The following MYO9A variants were observed in gnomAD, a reference collection of about 807,000 sequenced individuals.
MYO9A encodes unconventional myosin-IXa.
Under a neutral mutation model 293.3 loss-of-function variants are expected in MYO9A, and 103 were observed. That is an observed-to-expected ratio of 0.35 (90% CI 0.30 to 0.41). MYO9A has a LOEUF of 0.41. MYO9A is among the 10% of genes least tolerant of loss of function. The probability of loss-of-function intolerance (pLI) is 1.00; values close to 1 mark genes in which losing one functional copy is unlikely to be tolerated. For missense variants in MYO9A, 2,685 were observed against 3,033.0 expected (o/e 0.89, Z 2.69); for synonymous variants, 1,001 against 1,035.7 (o/e 0.97, Z 0.64).
intron 3 of MYO9A, among the ~76,000 whole-genome samples, chr15:72,029,850 TC>T (rs1417260589): frequency 6.6e-6 from 1 of 152,184 alleles, no homozygotes; most frequent in Non-Finnish European, 1.5e-5. Flanking sequence ...GATTACTGAA[TC>T]CAAATTATTA....
At chr15:72,098,231 GCTCT>G (rs148558014) in intron 1 of MYO9A, among the ~76,000 whole-genome samples, 1 of 151,290 alleles carries the variant, frequency 6.6e-6, no homozygotes, top group South Asian at 2.1e-4. Flanking sequence ...TATCTGGTAT[GCTCT>G]CTCTCTCAGG....
At chr15:72,032,729 G>T in intron 2 of MYO9A, 141 bp from the exon 3 acceptor site, 1 of 472,638 alleles carries the variant, frequency 2.1e-6, no homozygotes, top group East Asian at 3.4e-5. Context: ...TGTATGTTCA[G>T]ACTCATTCAC....
intron 39 of MYO9A, among the ~76,000 whole-genome samples, chr15:71,834,850 T>C (rs922025199): frequency 6.6e-6 from 1 of 152,030 alleles, no homozygotes; most frequent in African/African-American, 2.4e-5. Context: ...CTAAACAATA[T>C]CCTAACTACA....
intron 11 of MYO9A, among the ~76,000 whole-genome samples, chr15:71,983,536 G>A (rs2076334795): frequency 1.6e-5 from 2 of 127,986 alleles, no homozygotes; most frequent in Admixed American, 9.6e-5. Flanking sequence ...GAGTGCAATA[G>A]CGTGATCTCA....
intron 39 of MYO9A, among the ~76,000 whole-genome samples, chr15:71,834,581 T>C (rs1365995986): frequency 6.6e-6 from 1 of 151,634 alleles, no homozygotes; most frequent in Non-Finnish European, 1.5e-5. Flanking sequence ...AGACCAGCCT[T>C]GGCAACATGG....
Position 71,969,964 on chromosome 15 carries a change from A to G in MYO9A, c.1845-1839T>C, listed in dbSNP as rs575728165. Reference sequence around the variant, plus strand: ...CAATGCCTGGATCCCAACTATTGCAATTCTGACTTAAATGATTAGGGAGAT... The same window carrying G: ...CAATGCCTGGATCCCAACTATTGCAGTTCTGACTTAAATGATTAGGGAGAT... On this transcript the variant is annotated intron_variant, in intron 12 of 41. Transcript: ENST00000356056. Among the ~76,000 whole-genome samples, 9 of 152,278 alleles carry G rather than the reference A, an allele frequency of 5.9e-5. No homozygotes were observed. The East Asian group carries it at 1.7e-3, about 29-fold the overall frequency.
chr15:71,846,533 G>C (rs1479900954), intron 39 of MYO9A, among the ~76,000 whole-genome samples: 1 of 152,160 alleles, frequency 6.6e-6, no homozygotes, highest in East Asian at 1.9e-4. Flanking sequence ...TTAAATACTA[G>C]AATGAAATGA....
chr15:71,997,165 T>A (rs544075787), intron 9 of MYO9A, among the ~76,000 whole-genome samples: 1 of 152,096 alleles, frequency 6.6e-6, no homozygotes. Context: ...AAAAACAAAT[T>A]AAGATTTTTT....
At chr15:71,891,666 A>C (rs2057181522) in intron 26 of MYO9A, 1 of 152,194 alleles carries the variant, frequency 6.6e-6, no homozygotes, top group Admixed American at 6.5e-5. Context: ...GAATGTTTCC[A>C]ATTTCTATAA....
At position 72,028,519 on chromosome 15, in the gene MYO9A, C is replaced by T. The variant is rs1488964085; in HGVS notation, c.936-726G>A. The stretch of plus-strand genomic sequence containing the variant: ...AAAATCAGCCAGGCATGGTGGTGCA[C>T]GCCTGTAATCCCAGCTACTCGGAAG... On this transcript the variant is annotated intron_variant, in intron 3 of 41. Transcript: ENST00000356056. 3.3e-5 allele frequency among the ~76,000 whole-genome samples: 5 copies of T among 151,200 alleles called. No homozygotes were observed. In the South Asian group the frequency reaches 6.3e-4, roughly 19 times the overall value.
At chr15:71,921,427 T>C (rs1441008509) in intron 18 of MYO9A, among the ~76,000 whole-genome samples, 1 of 152,202 alleles carries the variant, frequency 6.6e-6, no homozygotes. Context: ...TCAGATCATT[T>C]TGACTTATCC....
chr15:72,049,036 C>T (rs2078476607), intron 1 of MYO9A, among the ~76,000 whole-genome samples: 1 of 152,142 alleles, frequency 6.6e-6, no homozygotes, highest in African/African-American at 2.4e-5. Context: ...ACTGAAATGT[C>T]ATCCAGACGG....
intron 35 of MYO9A, 68 bp from the exon 36 acceptor site, chr15:71,852,328 G>T: frequency 8.4e-5 from 99 of 1,176,480 alleles, no homozygotes; most frequent in Non-Finnish European, 9.4e-5. Context: ...ATTCACTTTA[G>T]AAACTATCAT....
chr15:71,890,831 G>A (rs568175433), intron 26 of MYO9A: 2 of 151,244 alleles, frequency 1.3e-5, no homozygotes, highest in African/African-American at 4.9e-5. Context: ...AAGATTTAAT[G>A]ACACACTTCA....
chr15:71,845,675 A>ATTTAGTT (rs1380654170), intron 39 of MYO9A, among the ~76,000 whole-genome samples: 1 of 152,206 alleles, frequency 6.6e-6, no homozygotes, highest in Non-Finnish European at 1.5e-5. Context: ...GCTACCACAC[A>ATTTAGTT]TTTAGTTTTT....
chr15:72,104,473 C>G (rs2080500261), intron 1 of MYO9A, among the ~76,000 whole-genome samples: 1 of 152,076 alleles, frequency 6.6e-6, no homozygotes, highest in African/African-American at 2.4e-5. Flanking sequence ...AGTCTGGTAC[C>G]TAGTGTGCAT....
chr15:71,950,844 A>G (rs141806314), intron 15 of MYO9A, among the ~76,000 whole-genome samples: 114 of 152,318 alleles, frequency 7.5e-4, no homozygotes, highest in African/African-American at 2.6e-3. Flanking sequence ...AATCAGTGGT[A>G]ATTTATTAAA....
intron 39 of MYO9A, among the ~76,000 whole-genome samples, chr15:71,834,507 C>T (rs2054858577): frequency 6.6e-6 from 1 of 152,082 alleles, no homozygotes; most frequent in African/African-American, 2.4e-5. Context: ...TGCAGTAGTG[C>T]ATGCCCACAA....
intron 24 of MYO9A, 104 bp downstream of exon 24, chr15:71,899,583 T>C: frequency 2.0e-6 from 2 of 1,022,118 alleles, no homozygotes; most frequent in Non-Finnish European, 2.8e-6. Flanking sequence ...AGACAAATTG[T>C]ATACAACCAA....
Sources: gnomAD v4.1 joint callset for allele counts (sites outside exome capture counted in the v4.1 genomes callset) on GRCh38, gnomAD v4.1.1 for gene constraint, MANE v1.5 for transcripts, NCBI Gene and HGNC (gene_info 2026-07-23, HGNC 2026-07-21) for gene names.